CDH13: variants seen among roughly 807,000 people sequenced by gnomAD.
CDH13 encodes cadherin-13.
Under a neutral mutation model 63.8 loss-of-function variants are expected in CDH13, and 24 were observed. That is an observed-to-expected ratio of 0.38 (90% confidence interval 0.27 to 0.53). The LOEUF is 0.53. CDH13 is among the 20% of genes least tolerant of loss of function. The pLI is 0.85. For synonymous variants in CDH13, 503 were observed against 355.3 expected (o/e 1.42, Z -4.67); for missense variants, 1,049 against 903.1 (o/e 1.16, Z -2.07).
At chr16:83,378,682 C>G (rs2091501208) in intron 6 of CDH13, among the ~76,000 whole-genome samples, 1 of 152,120 alleles carries the variant, frequency 6.6e-6, no homozygotes, top group South Asian at 2.1e-4. Context: ...AGATACTTGA[C>G]TGCTCTGAGC....
At chr16:83,370,104 T>G (rs1446627340) in intron 6 of CDH13, among the ~76,000 whole-genome samples, 1 of 152,208 alleles carries the variant, frequency 6.6e-6, no homozygotes, top group Non-Finnish European at 1.5e-5. Context: ...TTTCATATCG[T>G]TGGCTAGGCG....
At chr16:83,281,224 T>C (rs555155475) in intron 5 of CDH13, among the ~76,000 whole-genome samples, 5 of 152,382 alleles carry the variant, frequency 3.3e-5, no homozygotes, top group African/African-American at 4.8e-5. Flanking sequence ...CTGCAGCTTC[T>C]ATATCAGCAC....
At chr16:83,663,288 G>A (rs903039296) in intron 8 of CDH13, among the ~76,000 whole-genome samples, 2 of 152,122 alleles carry the variant, frequency 1.3e-5, no homozygotes, top group African/African-American at 4.8e-5. Context: ...GGTAGGTTTA[G>A]GTCCCTCAAA....
At chr16:83,391,934 C>T (rs943683220) in intron 6 of CDH13, among the ~76,000 whole-genome samples, 2 of 151,934 alleles carry the variant, frequency 1.3e-5, no homozygotes, top group African/African-American at 2.4e-5. Context: ...TTTTTTCTCC[C>T]CCACCCAAAG....
intron 2 of CDH13, among the ~76,000 whole-genome samples, chr16:82,994,493 T>C (rs1038947055): frequency 3.6e-4 from 55 of 152,230 alleles, no homozygotes; most frequent in South Asian, 2.1e-4. Flanking sequence ...GCGTAGCCTT[T>C]CATCGTAATC....
intron 4 of CDH13, chr16:83,181,104 C>A: frequency 8.9e-7 from 1 of 1,123,008 alleles, no homozygotes; most frequent in Non-Finnish European, 1.2e-6. Context: ...ATTTTGATCA[C>A]ATTATTGGGT....
At chr16:83,436,760 G>A (rs2072318160) in intron 6 of CDH13, among the ~76,000 whole-genome samples, 1 of 152,202 alleles carries the variant, frequency 6.6e-6, no homozygotes, top group Admixed American at 6.5e-5. Flanking sequence ...GCCTGTGGCT[G>A]GGAGACCTTG....
At chr16:83,455,196 A>G (rs1411566103) in intron 6 of CDH13, among the ~76,000 whole-genome samples, 3 of 152,302 alleles carry the variant, frequency 2.0e-5, no homozygotes, top group East Asian at 3.9e-4. Flanking sequence ...TGACTTTCAG[A>G]GGGTGGATTT....
chr16:83,732,960 G>C (rs891320815), intron 10 of CDH13, among the ~76,000 whole-genome samples: 1 of 152,230 alleles, frequency 6.6e-6, no homozygotes, highest in Non-Finnish European at 1.5e-5. Flanking sequence ...CTGCCTACAT[G>C]AAGAGGGAAA....
chr16:82,843,010 C>A (rs1237687238), intron 1 of CDH13, among the ~76,000 whole-genome samples: 4 of 152,160 alleles, frequency 2.6e-5, no homozygotes, highest in African/African-American at 9.7e-5. Context: ...CACTCATGGG[C>A]CCGCCACTCA....
At chr16:83,504,465 C>T (rs996029021) in intron 7 of CDH13, among the ~76,000 whole-genome samples, 1 of 152,202 alleles carries the variant, frequency 6.6e-6, no homozygotes, top group Non-Finnish European at 1.5e-5. Flanking sequence ...TGTCCAGTGT[C>T]GCTACCACTG....
At chr16:82,646,175 C>A (rs1284055338) in intron 1 of CDH13, 1 of 152,196 alleles carries the variant, frequency 6.6e-6, no homozygotes, top group Non-Finnish European at 1.5e-5. Flanking sequence ...AATAATTTTT[C>A]TGGTGCTTTA....
At chr16:83,574,014 G>C (rs1904881284) in intron 7 of CDH13, among the ~76,000 whole-genome samples, 1 of 152,056 alleles carries the variant, frequency 6.6e-6, no homozygotes, top group African/African-American at 2.4e-5. Flanking sequence ...GAGGTATAAA[G>C]GTATCTCCAA....
At chr16:83,436,083 A>G (rs1354209673) in intron 6 of CDH13, among the ~76,000 whole-genome samples, 3 of 152,176 alleles carry the variant, frequency 2.0e-5, no homozygotes, top group Non-Finnish European at 4.4e-5. Context: ...CATATCCTGT[A>G]GTGCAAAGGG....
intron 5 of CDH13, among the ~76,000 whole-genome samples, chr16:83,261,686 C>T (rs546329269): frequency 5.4e-5 from 8 of 149,120 alleles, no homozygotes; most frequent in South Asian, 4.3e-4. Flanking sequence ...ATGATAGTGA[C>T]GGTTTTCTTT....
At chr16:82,842,109 T>C (rs1296193708) in intron 1 of CDH13, among the ~76,000 whole-genome samples, 2 of 43,874 alleles carry the variant, frequency 4.6e-5, no homozygotes, top group African/African-American at 1.9e-4. Context: ...TATATATATA[T>C]ATGTATATAT....
chr16:83,280,687 A>C (rs1030782523), intron 5 of CDH13, among the ~76,000 whole-genome samples: 49 of 1,686 alleles, frequency 0.029, no homozygotes, highest in African/African-American at 0.032. Context: ...TGGCCTACAA[A>C]ATGTATTTCG....
At position 83,797,271 on chromosome 16, in the gene CDH13, A is replaced by C. The variant is rs34792025; in HGVS notation, c.*2241A>C. ...AGCCACATGCAGGGAGAAACACAGC[A>C]GCTGAGTGGCCATTCACTCAAGGAA... is the stretch of plus-strand genomic sequence containing the variant. On this transcript the variant is annotated 3_prime_UTR_variant, in exon 14 of 14. Transcript: ENST00000567109. The C allele has an allele frequency of 0.18, 27,211 of 152,252 alleles. 2,425 individuals are homozygous for C. The highest frequency in any genetic ancestry group is 0.23 in the Middle Eastern group (69 of 294). 9.4% of individuals were successfully genotyped at this position (152,252 alleles called of 1,614,324 possible).
intron 6 of CDH13, among the ~76,000 whole-genome samples, chr16:83,434,697 C>T (rs1048433089): frequency 2.0e-5 from 3 of 151,754 alleles, no homozygotes; most frequent in Non-Finnish European, 2.9e-5. Flanking sequence ...CCAGCCCTGC[C>T]GATGTCACCC....
Sources: allele counts gnomAD v4.1 joint callset (sites outside exome capture counted in the v4.1 genomes callset), GRCh38; gene constraint gnomAD v4.1.1; transcripts MANE v1.5; gene names NCBI Gene and HGNC (gene_info 2026-07-23, HGNC 2026-07-21).